The following MYL9 variants were observed in gnomAD, a reference collection of about 807,000 sequenced individuals.
MYL9 encodes myosin regulatory light polypeptide 9.
A neutral mutation model predicts 12.8 loss-of-function variants in MYL9; 7 were observed. That is an observed-to-expected ratio of 0.55 (90% CI 0.31 to 1.03). The LOEUF (loss-of-function observed/expected upper bound fraction) is 1.03, where lower values mean the gene tolerates loss of function less well. MYL9 is among the 50% of genes least tolerant of loss of function. The probability of loss-of-function intolerance (pLI) is 0.05; values close to 1 mark genes in which losing one functional copy is unlikely to be tolerated. For synonymous variants in MYL9, 81 were observed against 87.8 expected (o/e 0.92, Z 0.43); for missense variants, 190 against 242.7 (o/e 0.78, Z 1.44).
At chr20:36,548,463 T>C (rs1390030334) in intron 3 of MYL9, among the ~76,000 whole-genome samples, 3 of 152,252 alleles carry the variant, frequency 2.0e-5, no homozygotes, top group Admixed American at 6.5e-5. Context: ...AACCATTTCA[T>C]GCCTTTCTTG....
intron 1 of MYL9, among the ~76,000 whole-genome samples, chr20:36,543,638 C>T (rs987091559): frequency 1.3e-5 from 2 of 152,322 alleles, no homozygotes; most frequent in South Asian, 2.1e-4. Context: ...GCAGACTGGC[C>T]GTAGTTGCCT....
chr20:36,548,079 C>T lies in MYL9; in HGVS notation c.232C>T (p.Pro78Ser). The T allele has an allele frequency of 6.2e-7, 1 of 1,613,842 alleles. No individual in the cohort carries two copies. The highest frequency in any genetic ancestry group is 8.5e-7 in the Non-Finnish European group (1 of 1,179,842). ...EYLEGMMSEAPGPINFTMFLT... is the reference protein window; with the variant it reads ...EYLEGMMSEASGPINFTMFLT... Reference sequence around the variant, plus strand: ...CCTGGAGGGCATGATGAGCGAGGCCCCGGGGCCCATCAACTTCACCATGTT... The same window carrying T: ...CCTGGAGGGCATGATGAGCGAGGCCTCGGGGCCCATCAACTTCACCATGTT... The change falls in exon 3 of 4, where the codon CCG becomes TCG. Residue 78 changes from proline (P) to serine (S), a missense_variant. By Grantham distance (74) the Pro-to-Ser change is moderately conservative. Transcript: ENST00000279022.
rs541788501 is a variant in MYL9, at chr20:36,550,858, G to A, written c.*1609G>A. The A allele has an allele frequency of 1.4e-3, 214 of 152,814 alleles. 1 individual carries two copies. Among genetic ancestry groups the A allele is most frequent in the East Asian group, 5.8e-4 (3 of 5,198 alleles). The allele number at this position is 152,814 out of a possible 1,614,324, so 9.5% of individuals were successfully genotyped here. A position where few individuals can be genotyped will look rare whatever the true frequency, so the allele number is the denominator to read the frequency against. ...CAGTCCCAAACACATTCTCACCCCC[G>A]GCAGCAGGCTGCAGGCCTCCAGCTA... On this transcript the variant is annotated 3_prime_UTR_variant, in exon 4 of 4. Coordinates refer to ENST00000279022, the MANE Select transcript of MYL9 (RefSeq NM_006097.5).
In MYL9 at chr20:36,548,181, G is replaced by A. The variant is rs780369722; in HGVS notation, c.334G>A (p.Glu112Lys). Residue 112 changes from glutamate to lysine, a missense_variant, in exon 3 of 4, where the codon GAG becomes AAG. By Grantham distance (56) the Glu-to-Lys change is moderately conservative (BLOSUM62 1). Coordinates refer to ENST00000279022, the MANE Select transcript of MYL9 (RefSeq NM_006097.5). ...VIRNAFACFD[E>K]EASGFIHEDH... is the part of the protein sequence containing the mutation. Reference sequence around the variant, plus strand: ...TCGCAACGCCTTTGCCTGCTTCGACGAGGAAGCCTCAGGTCCGTGGCGCCC... The same window carrying A: ...TCGCAACGCCTTTGCCTGCTTCGACAAGGAAGCCTCAGGTCCGTGGCGCCC... The A allele has an allele frequency of 1.7e-5, 28 of 1,611,558 alleles. No homozygotes were observed. In the South Asian group the frequency reaches 2.0e-4, roughly 11 times the overall value.
rs1314891898 is a variant in MYL9, at chr20:36,550,333, TCCATGTC to T, written c.*1087_*1093del. On this transcript the variant is annotated 3_prime_UTR_variant, in exon 4 of 4. Coordinates refer to ENST00000279022, the MANE Select transcript of MYL9 (RefSeq NM_006097.5). ...ACCAACAGCATGGGGGCCACAGCTTTCCATGTCCCTGTGTACGCAGGGCAGGCAGGGC... is the reference window on the plus strand; with the variant it reads ...ACCAACAGCATGGGGGCCACAGCTTTCCTGTGTACGCAGGGCAGGCAGGGC... The T allele has an allele frequency of 6.6e-6, 1 of 152,210 alleles. No homozygotes were observed. Among genetic ancestry groups the T allele is most frequent in the Non-Finnish European group, 1.5e-5 (1 of 68,100 alleles). 9.4% of individuals were successfully genotyped at this position (152,210 alleles called of 1,614,324 possible).
chr20:36,545,639 G>C (rs974608719), intron 2 of MYL9, among the ~76,000 whole-genome samples: 4 of 150,926 alleles, frequency 2.7e-5, no homozygotes, highest in African/African-American at 9.7e-5. Flanking sequence ...TTTAAAGAAA[G>C]GGGTCAGCTG....
intron 3 of MYL9, among the ~76,000 whole-genome samples, 199 bp downstream of exon 3, chr20:36,548,392 G>A (rs946943672): frequency 4.6e-5 from 7 of 152,290 alleles, no homozygotes; most frequent in African/African-American, 9.6e-5. Context: ...TCCTGCCTTC[G>A]TGATCTCCCC....
At chr20:36,542,971 G>A (rs149553712) in intron 1 of MYL9, among the ~76,000 whole-genome samples, 1 of 152,332 alleles carries the variant, frequency 6.6e-6, no homozygotes, top group Non-Finnish European at 1.5e-5. Flanking sequence ...AGAGTGTGGT[G>A]GGGACAGTGA....
Position 36,549,299 on chromosome 20 carries a change from C to T in MYL9, c.*50C>T, listed in dbSNP as rs2038143289. 1 of 1,457,410 alleles carries T rather than the reference C, an allele frequency of 6.9e-7. No individual in the cohort carries two copies. The highest frequency in any genetic ancestry group is 9.3e-7 in the Non-Finnish European group (1 of 1,074,444). 90.3% of individuals were successfully genotyped at this position (1,457,410 alleles called of 1,614,324 possible). ...AGCCCCCGCCAGTCACCCCTCCCCG[C>T]ACACACCCGTCCATACCAGCTCCCT... On this transcript the variant is annotated 3_prime_UTR_variant, in exon 4 of 4. Transcript: ENST00000279022.
At chr20:36,547,937 C>G (rs928079077) in intron 2 of MYL9, 95 bp from the exon 3 acceptor site, 1 of 1,372,444 alleles carries the variant, frequency 7.3e-7, no homozygotes, top group East Asian at 2.6e-5. Context: ...TCACACGGAG[C>G]GGTGAAGGGC....
rs553793172 is a variant in MYL9 at position 36,548,734 on chromosome 20, A to G, written c.347-343A>G. ...AGGGAGAATGGGAATCAGCACTGCAACTCAGGCAGTGGAACTCCAGAGCTC... is the reference window on the plus strand; with the variant it reads ...AGGGAGAATGGGAATCAGCACTGCAGCTCAGGCAGTGGAACTCCAGAGCTC... On this transcript the variant is annotated intron_variant, in intron 3 of 3. Coordinates refer to ENST00000279022, the MANE Select transcript of MYL9 (RefSeq NM_006097.5). Among the ~76,000 whole-genome samples, 2 of 152,286 alleles carry G rather than the reference A, an allele frequency of 1.3e-5. 1 individual carries two copies. The highest frequency in any genetic ancestry group is 4.8e-5 in the African/African-American group (2 of 41,566).
intron 1 of MYL9, among the ~76,000 whole-genome samples, chr20:36,543,121 C>A (rs1042846559): frequency 6.6e-6 from 1 of 152,206 alleles, no homozygotes; most frequent in Non-Finnish European, 1.5e-5. Context: ...AGGAGGGGGC[C>A]GGCATCTGGG....
chr20:36,547,892 T>C lies in MYL9; in HGVS notation c.185-140T>C. On this transcript the variant is annotated intron_variant, in intron 2 of 3. Transcript: ENST00000279022. ...CACTGCTGTGGCTGCGCTAGAGCCA[T>C]GCTTTCCAGTTCACAAAACCCACTA... is the stretch of plus-strand genomic sequence containing the variant. The C allele has an allele frequency of 2.8e-6, 3 of 1,078,180 alleles. No homozygotes were observed. The South Asian group carries it at 5.3e-5, about 19-fold the overall frequency. 66.8% of individuals were successfully genotyped at this position (1,078,180 alleles called of 1,614,324 possible).
intron 1 of MYL9, 60 bp from the exon 2 acceptor site, chr20:36,544,799 G>C: frequency 7.0e-7 from 1 of 1,435,600 alleles, no homozygotes; most frequent in Non-Finnish European, 9.5e-7. Flanking sequence ...GTCTGGGGGA[G>C]GCAGGAAGAT....
chr20:36,545,763 T>C (rs1013979402), intron 2 of MYL9, among the ~76,000 whole-genome samples: 9 of 151,278 alleles, frequency 5.9e-5, no homozygotes, highest in African/African-American at 1.9e-4. Flanking sequence ...ACCCCGTCTC[T>C]ACTAAAAATA....
At position 36,545,158 on chromosome 20, in the gene MYL9, G is replaced by A. The variant is rs943876583; in HGVS notation, c.184+90G>A. On this transcript the variant is annotated intron_variant, in intron 2 of 3. Coordinates refer to ENST00000279022, the MANE Select transcript of MYL9 (RefSeq NM_006097.5). Reference sequence around the variant, plus strand: ...GGGCACCTCCTGTGTAGTGAGACGCGTGGTGTCCACCTTAGAGAATAGTTG... The same window carrying A: ...GGGCACCTCCTGTGTAGTGAGACGCATGGTGTCCACCTTAGAGAATAGTTG... The A allele has an allele frequency of 8.0e-5, 112 of 1,408,756 alleles. No individual in the cohort carries two copies. The African/African-American group carries it at 1.1e-3, about 14-fold the overall frequency. The allele number at this position is 1,408,756 out of a possible 1,614,324, so 87.3% of individuals were successfully genotyped here.
intron 2 of MYL9, among the ~76,000 whole-genome samples, chr20:36,546,791 G>C (rs1349403700): frequency 6.6e-6 from 1 of 152,184 alleles, no homozygotes; most frequent in African/African-American, 2.4e-5. Flanking sequence ...TGTATTTTTA[G>C]TAGAGACAGG....
chr20:36,543,544 C>T (rs540830340), intron 1 of MYL9, among the ~76,000 whole-genome samples: 8 of 152,320 alleles, frequency 5.3e-5, no homozygotes, highest in Admixed American at 1.3e-4. Flanking sequence ...GGTCTTCAGG[C>T]GCATATCCCC....
intron 1 of MYL9, among the ~76,000 whole-genome samples, chr20:36,542,464 G>A (rs918662689): frequency 6.6e-6 from 1 of 152,128 alleles, no homozygotes; most frequent in African/African-American, 2.4e-5. Context: ...TGGTGTCTAG[G>A]GCACCTGAAG....
Sources: allele counts gnomAD v4.1 joint callset (sites outside exome capture counted in the v4.1 genomes callset), GRCh38; gene constraint gnomAD v4.1.1; transcripts MANE v1.5; gene names NCBI Gene and HGNC (gene_info 2026-07-23, HGNC 2026-07-21).